The following CARD14 variants were observed in gnomAD, a reference collection of about 807,000 sequenced individuals.
The protein encoded by CARD14 is caspase recruitment domain-containing protein 14.
CARD14 carries 107 observed loss-of-function variants against 111.5 expected under a neutral mutation model. The observed-to-expected ratio is 0.96, with a 90% CI of 0.82 to 1.13. CARD14 has a LOEUF of 1.13. Ranked by LOEUF, CARD14 falls within the 50% of genes most tolerant of loss-of-function variation. CARD14 has a pLI of 0.00. For synonymous variants in CARD14, 617 were observed against 579.6 expected, an observed-to-expected ratio of 1.06 and a Z score of -0.93; for missense variants, 1,322 against 1,362.3, an observed-to-expected ratio of 0.97 and a Z score of 0.47.
At position 80,184,122 on chromosome 17, in the gene CARD14, C is replaced by T. The variant is rs1029810669; in HGVS notation, c.559C>T (p.His187Tyr). Residue 187 changes from histidine (H) to tyrosine (Y), a missense_variant, in exon 7 of 24, where the codon CAC becomes TAC. His to Tyr is a moderately conservative substitution (Grantham distance 83, BLOSUM62 2). Coordinates refer to ENST00000648509, the MANE Select transcript of CARD14 (RefSeq NM_001366385.1). ...HSRMKREVSAHFHEVLRLKDE... is the reference protein window; with the variant it reads ...HSRMKREVSAYFHEVLRLKDE... ...CCGCATGAAGCGTGAGGTTAGCGCA[C>T]ACTTCCATGAGGTGCTGAGGCTGAA... 4 of 1,573,860 alleles carry T rather than the reference C, an allele frequency of 2.5e-6. No individual in the cohort carries two copies. The highest frequency in any genetic ancestry group is 3.4e-6 in the Non-Finnish European group (4 of 1,160,062).
rs368286986 is a variant in CARD14 at position 80,189,785 on chromosome 17, C to A, written c.876C>A (p.Asp292Glu). 4 of 1,586,184 alleles carry A rather than the reference C, an allele frequency of 2.5e-6. No homozygotes were observed. Among genetic ancestry groups the A allele is most frequent in the African/African-American group, 2.8e-5 (2 of 72,372 alleles). Residue 292 changes from aspartate to glutamate, a missense_variant, in exon 9 of 24, where the codon GAC becomes GAA. By Grantham distance (45) the Asp-to-Glu change is conservative. Coordinates refer to ENST00000648509, the MANE Select transcript of CARD14 (RefSeq NM_001366385.1). The surrounding 1 kb of genome is among the most constrained non-coding windows in gnomAD (Gnocchi z 4.7). Reference sequence around the variant, plus strand: ...AGGACATTCTGGAGCAGAGCCTGGACGAGGCGCGGGGGAGCCGACAGGAGC... The same window carrying A: ...AGGACATTCTGGAGCAGAGCCTGGAAGAGGCGCGGGGGAGCCGACAGGAGC... ...AEKDILEQSL[D>E]EARGSRQELV...
Position 80,192,637 on chromosome 17 carries a change from G to A in CARD14, c.1356+18G>A, listed in dbSNP as rs190983667. On this transcript the variant is annotated intron_variant, in intron 12 of 23. Transcript: ENST00000648509. Reference sequence around the variant, plus strand: ...CCACAGAGGTACGGCCGCTCCTCCCGCCTCCCTCACTGCCTTGACCCTCTG... The same window carrying A: ...CCACAGAGGTACGGCCGCTCCTCCCACCTCCCTCACTGCCTTGACCCTCTG... 3.8e-4 allele frequency: 594 copies of A among 1,583,882 alleles called. No individual in the cohort carries two copies. Among genetic ancestry groups the A allele is most frequent in the African/African-American group, 2.7e-3 (198 of 74,450 alleles).
At position 80,198,287 on chromosome 17, in the gene CARD14, G is replaced by A. The variant is rs181425879; in HGVS notation, c.1659-112G>A. Reference sequence around the variant, plus strand: ...GCCTTTCCAAGCACATGGGGCCATGGAGGGGGAGGAGAATTCCAGAACACT... The same window carrying A: ...GCCTTTCCAAGCACATGGGGCCATGAAGGGGGAGGAGAATTCCAGAACACT... On this transcript the variant is annotated intron_variant, in intron 15 of 23. Coordinates refer to ENST00000648509, the MANE Select transcript of CARD14 (RefSeq NM_001366385.1). This position sits in a 1 kb window ranked among gnomAD's most constrained non-coding sequence, Gnocchi z 7.5. The A allele has an allele frequency of 1.9e-3, 2,924 of 1,564,788 alleles. 9 individuals are homozygous for A. Among genetic ancestry groups the A allele is most frequent in the Non-Finnish European group, 2.4e-3 (2,700 of 1,146,774 alleles).
In CARD14 at chr17:80,188,490, G is replaced by A. The variant is rs770433643; in HGVS notation, c.789G>A (p.Glu263=). ...TASDQESGDE[E]LNRLKEENEK... ...GCGACCAGGAGTCCGGGGATGAGGA[G>A]CTGAACCGCCTGAAGGAGGAGAATG... Residue 263 remains glutamate, a synonymous_variant, in exon 8 of 24, where the codon GAG becomes GAA. Coordinates refer to ENST00000648509, the MANE Select transcript of CARD14 (RefSeq NM_001366385.1). The surrounding 1 kb of genome is among the most constrained non-coding windows in gnomAD (Gnocchi z 4.5). The A allele has an allele frequency of 1.1e-5, 17 of 1,581,520 alleles. No homozygotes were observed. In the East Asian group the frequency reaches 3.9e-4, roughly 37 times the overall value.
At chr17:80,176,376 G>A (rs1179510845) in intron 2 of CARD14, among the ~76,000 whole-genome samples, 1 of 145,650 alleles carries the variant, frequency 6.9e-6, no homozygotes, top group Middle Eastern at 3.5e-3. Flanking sequence ...GAAGACGGAT[G>A]TTGCCGTGAG....
rs1351899106 is a variant in CARD14, at chr17:80,188,026, C to T, written c.676-351C>T. 12 of 940,120 alleles carry T rather than the reference C, an allele frequency of 1.3e-5. No homozygotes were observed. The highest frequency in any genetic ancestry group is 1.5e-5 in the Non-Finnish European group (12 of 783,760). The allele number at this position is 940,120 out of a possible 1,614,324, so 58.2% of individuals were successfully genotyped here. ...ATGTATTTAGCAGAACATGGACAAG[C>T]AGGGAAGCCAGGGAGCATGCTGGCC... On this transcript the variant is annotated intron_variant, in intron 7 of 23. Coordinates refer to ENST00000648509, the MANE Select transcript of CARD14 (RefSeq NM_001366385.1). The surrounding 1 kb of genome is among the most constrained non-coding windows in gnomAD (Gnocchi z 4.5).
At position 80,201,664 on chromosome 17, in the gene CARD14, A is replaced by T; in HGVS notation, c.1852-80A>T. On this transcript the variant is annotated intron_variant, in intron 16 of 23. Coordinates refer to ENST00000648509, the MANE Select transcript of CARD14 (RefSeq NM_001366385.1). This position sits in a 1 kb window ranked among gnomAD's most constrained non-coding sequence, Gnocchi z 5.0. Reference sequence around the variant, plus strand: ...GCAGGGCTGGCCCGCGCCTCGCCTCAGTGCCCTCAGCGCCTTCTGTCTTCT... The same window carrying T: ...GCAGGGCTGGCCCGCGCCTCGCCTCTGTGCCCTCAGCGCCTTCTGTCTTCT... The T allele has an allele frequency of 6.6e-7, 1 of 1,515,268 alleles. No homozygotes were observed. The highest frequency in any genetic ancestry group is 9.1e-7 in the Non-Finnish European group (1 of 1,093,044). 93.9% of individuals were successfully genotyped at this position (1,515,268 alleles called of 1,614,324 possible).
chr17:80,187,727 C>G (rs891888789), intron 7 of CARD14: 2 of 984,548 alleles, frequency 2.0e-6, no homozygotes, highest in Non-Finnish European at 2.4e-6. Flanking sequence ...GTCCTGCCTC[C>G]CCAGGGCTGC....
In CARD14 at chr17:80,188,156, C is replaced by T. The variant is rs530674933; in HGVS notation, c.676-221C>T. On this transcript the variant is annotated intron_variant, in intron 7 of 23. Coordinates refer to ENST00000648509, the MANE Select transcript of CARD14 (RefSeq NM_001366385.1). This position sits in a 1 kb window ranked among gnomAD's most constrained non-coding sequence, Gnocchi z 4.5. Reference sequence around the variant, plus strand: ...TGGATGGAGTTCAACCGCGGTGCCTCATCTATAAGACAGAGCTGAAAGGCC... The same window carrying T: ...TGGATGGAGTTCAACCGCGGTGCCTTATCTATAAGACAGAGCTGAAAGGCC... 1.0e-5 allele frequency: 5 copies of T among 489,600 alleles called. No homozygotes were observed. The South Asian group carries it at 2.5e-4, about 25-fold the overall frequency. 30.3% of individuals were successfully genotyped at this position (489,600 alleles called of 1,614,324 possible). A position where few individuals can be genotyped will look rare whatever the true frequency, so the allele number is the denominator to read the frequency against.
chr17:80,175,881 C>A (rs535012977), intron 2 of CARD14, among the ~76,000 whole-genome samples: 4 of 150,736 alleles, frequency 2.7e-5, no homozygotes, highest in Non-Finnish European at 4.4e-5. Flanking sequence ...AGCCCACCCT[C>A]CTCCTGCTTC....
At position 80,205,356 on chromosome 17, in the gene CARD14, A is replaced by G. The variant is rs185423710; in HGVS notation, c.2569+151A>G. The G allele has an allele frequency of 1.0e-3, 1,164 of 1,152,800 alleles. 6 individuals carry two copies. The African/African-American group carries it at 0.015, about 15-fold the overall frequency. The allele number at this position is 1,152,800 out of a possible 1,614,324, so 71.4% of individuals were successfully genotyped here. On this transcript the variant is annotated intron_variant, in intron 21 of 23. Transcript: ENST00000648509. Reference sequence around the variant, plus strand: ...ACCTGCTGTGTCCAGATAGTTCAGGATGGAGGTGCAGGGCACAGAGCGGGG... The same window carrying G: ...ACCTGCTGTGTCCAGATAGTTCAGGGTGGAGGTGCAGGGCACAGAGCGGGG...
rs1346719360 is a variant in CARD14, at chr17:80,205,117, C to CCGGCCT, written c.2482_2487dup (p.Arg828_Pro829dup). On this transcript the variant is annotated inframe_insertion, in exon 21 of 24. Coordinates refer to ENST00000648509, the MANE Select transcript of CARD14 (RefSeq NM_001366385.1). Reference sequence around the variant, plus strand: ...TGCGGCCCCATCGACCCGCCCGGCCCCGGCCTGTGCTCCTCGTGCCCAGGG... The same window carrying CCGGCCT: ...TGCGGCCCCATCGACCCGCCCGGCCCCGGCCTCGGCCTGTGCTCCTCGTGCCCAGGG... 2 of 1,613,526 alleles carry CCGGCCT rather than the reference C, an allele frequency of 1.2e-6. No homozygotes were observed. The highest frequency in any genetic ancestry group is 2.7e-5 in the African/African-American group (2 of 74,916).
At chr17:80,170,506 T>G (rs992347617) in intron 1 of CARD14, 2 of 152,228 alleles carry the variant, frequency 1.3e-5, no homozygotes, top group African/African-American at 2.4e-5. Context: ...CCCCTCCTCC[T>G]GGGCTTGTGA....
rs775186391 is a variant in CARD14, at chr17:80,192,508, G to A, written c.1245G>A (p.Lys415=). ...QLQAEPPGVL[K]QEARTREPCP... is the part of the protein sequence containing the mutation. ...GTCTGGCCTGTCTTTGGCAGCTCAAGCAGGAAGCCAGGACCAGGGAGCCCT... is the reference window on the plus strand; with the variant it reads ...GTCTGGCCTGTCTTTGGCAGCTCAAACAGGAAGCCAGGACCAGGGAGCCCT... Residue 415 remains lysine (K), a synonymous_variant, in exon 12 of 24, where the codon AAG becomes AAA. Coordinates refer to ENST00000648509, the MANE Select transcript of CARD14 (RefSeq NM_001366385.1). 1.4e-5 allele frequency: 23 copies of A among 1,613,078 alleles called. No homozygotes were observed. Among genetic ancestry groups the A allele is most frequent in the South Asian group, 1.3e-4 (12 of 91,024 alleles).
intron 22 of CARD14, chr17:80,205,880 G>T: frequency 2.2e-6 from 1 of 461,374 alleles, no homozygotes; most frequent in Non-Finnish European, 3.8e-6. Flanking sequence ...AGTTTCCTCA[G>T]CTTGGGGGAT....
rs1454031117 is a variant in CARD14 at position 80,189,806 on chromosome 17, G to A, written c.897G>A (p.Gln299=). The stretch of plus-strand genomic sequence containing the variant: ...TGGACGAGGCGCGGGGGAGCCGACA[G>A]GAGCTGGTGGAGCGCATCCACTCGC... ...QSLDEARGSR[Q]ELVERIHSLR... Residue 299 remains glutamine (Q), a synonymous_variant, in exon 9 of 24, where the codon CAG becomes CAA. Transcript: ENST00000648509. The surrounding 1 kb of genome is among the most constrained non-coding windows in gnomAD (Gnocchi z 4.7). 1.3e-6 allele frequency: 2 copies of A among 1,583,510 alleles called. No homozygotes were observed.
At position 80,203,934 on chromosome 17, in the gene CARD14, G is replaced by C; in HGVS notation, c.2283+49G>C. 7 of 1,461,758 alleles carry C rather than the reference G, an allele frequency of 4.8e-6. No homozygotes were observed. The highest frequency in any genetic ancestry group is 6.6e-6 in the Non-Finnish European group (7 of 1,068,578). 90.5% of individuals were successfully genotyped at this position (1,461,758 alleles called of 1,614,324 possible). On this transcript the variant is annotated intron_variant, in intron 19 of 23. Transcript: ENST00000648509. The surrounding 1 kb of genome is among the most constrained non-coding windows in gnomAD (Gnocchi z 4.6). ...GACCCCACTGGGGTGGGCTGGAAGA[G>C]GGGCTCGGTGCTGGCAGGGTGGCAG...
chr17:80,198,634 G>A lies in CARD14; in HGVS notation c.1851+43G>A, dbSNP rs1490196376. ...CCTCCTGTCCCCCGGGCTCCTCATG[G>A]GGACAGTGGCAGCGGGTGGGGTGAC... On this transcript the variant is annotated intron_variant, in intron 16 of 23. Coordinates refer to ENST00000648509, the MANE Select transcript of CARD14 (RefSeq NM_001366385.1). The surrounding 1 kb of genome is among the most constrained non-coding windows in gnomAD (Gnocchi z 7.5). The A allele has an allele frequency of 5.6e-6, 9 of 1,610,128 alleles. No individual in the cohort carries two copies. Among genetic ancestry groups the A allele is most frequent in the East Asian group, 2.2e-5 (1 of 44,870 alleles).
chr17:80,202,004 C>A, intron 17 of CARD14, 134 bp downstream of exon 17: 1 of 1,323,080 alleles, frequency 7.6e-7, no homozygotes, highest in Non-Finnish European at 1.0e-6. Flanking sequence ...GGCTGTGCCC[C>A]AGGTCCCCAG....
Sources: allele counts gnomAD v4.1 joint callset (sites outside exome capture counted in the v4.1 genomes callset), GRCh38; gene constraint gnomAD v4.1.1; non-coding constraint Gnocchi (gnomAD v3.1); transcripts MANE v1.5; gene names NCBI Gene and HGNC (gene_info 2026-07-23, HGNC 2026-07-21).